JAKMIP3: variants seen among roughly 807,000 people sequenced by gnomAD.
JAKMIP3 encodes Janus kinase and microtubule interacting protein 3.
A neutral mutation model predicts 118.5 loss-of-function variants in JAKMIP3; 58 were observed. The observed-to-expected ratio is 0.49, with a 90% CI of 0.40 to 0.61. The LOEUF (loss-of-function observed/expected upper bound fraction) is 0.61, where lower values mean the gene tolerates loss of function less well. Among genes scored for constraint, JAKMIP3 ranks in the 20% least tolerant of loss-of-function variants. The pLI is 0.00. For synonymous variants in JAKMIP3, 486 were observed against 451.2 expected, an observed-to-expected ratio of 1.08 and a Z score of -0.98; for missense variants, 950 against 1,109.0, an observed-to-expected ratio of 0.86 and a Z score of 2.04.
rs774592394 is a variant in JAKMIP3, at chr10:132,168,639, T to G, written c.*709T>G. ...TGCCATCAACCCTCTGCCTCCCTACTCAACCTGAGACAGGAAGGCCAAGAT... is the reference window on the plus strand; with the variant it reads ...TGCCATCAACCCTCTGCCTCCCTACGCAACCTGAGACAGGAAGGCCAAGAT... On this transcript the variant is annotated 3_prime_UTR_variant, in exon 23 of 24. Coordinates refer to ENST00000684848, the MANE Select transcript of JAKMIP3 (RefSeq NM_001323087.2). 46 of 335,128 alleles carry G rather than the reference T, an allele frequency of 1.4e-4. No homozygotes were observed. Among genetic ancestry groups the G allele is most frequent in the Non-Finnish European group, 2.3e-4 (39 of 172,712 alleles). The allele number at this position is 335,128 out of a possible 1,614,324, so 20.8% of individuals were successfully genotyped here.
chr10:132,163,669 CTGGCCACACCCTCTGA>C (rs1026100359), intron 20 of JAKMIP3, among the ~76,000 whole-genome samples: 12 of 152,194 alleles, frequency 7.9e-5, no homozygotes, highest in African/African-American at 2.9e-4. Flanking sequence ...ACGCCCCCTG[CTGGCCACACCCTCTGA>C]TGGCCACACC....
At chr10:132,108,668 G>A (rs2046291781) in intron 2 of JAKMIP3, among the ~76,000 whole-genome samples, 1 of 150,500 alleles carries the variant, frequency 6.6e-6, no homozygotes, top group Non-Finnish European at 1.5e-5. Context: ...TCCCACTGGT[G>A]CCTCCAAGCC....
intron 1 of JAKMIP3, among the ~76,000 whole-genome samples, chr10:132,100,679 C>T (rs532611693): frequency 6.6e-6 from 1 of 152,316 alleles, no homozygotes; most frequent in Admixed American, 6.5e-5. Context: ...AAGGAGATGC[C>T]TCCATTTACC....
chr10:132,165,639 G>A (rs1590012874), intron 21 of JAKMIP3, among the ~76,000 whole-genome samples: 3 of 152,330 alleles, frequency 2.0e-5, no homozygotes, highest in East Asian at 3.9e-4. Context: ...GCCTGAGGAG[G>A]AGCCCACAGA....
chr10:132,099,370 C>A (rs1268924620), intron 1 of JAKMIP3, among the ~76,000 whole-genome samples: 1 of 152,200 alleles, frequency 6.6e-6, no homozygotes, highest in Non-Finnish European at 1.5e-5. Context: ...ACTTCTTCAG[C>A]CTTCAGATGA....
rs963726898 is a variant in JAKMIP3, at chr10:132,184,317, C to G, written c.*3064C>G. ...GAGTGCCTTACAGGGCTTGTGAACA[C>G]CGATACTAGAAGTCAAAAAGAAGAG... On this transcript the variant is annotated 3_prime_UTR_variant, in exon 24 of 24. Transcript: ENST00000684848. 2 of 152,168 alleles carry G rather than the reference C, an allele frequency of 1.3e-5. No homozygotes were observed. The allele number at this position is 152,168 out of a possible 1,614,324, so 9.4% of individuals were successfully genotyped here.
Position 132,041,992 on chromosome 10 carries a change from G to A in JAKMIP3, c.-138+5254G>A, listed in dbSNP as rs148507713. Among the ~76,000 whole-genome samples, 438 of 151,792 alleles carry A rather than the reference G, an allele frequency of 2.9e-3. 3 individuals carry two copies. The highest frequency in any genetic ancestry group is 9.4e-3 in the African/African-American group (390 of 41,370). On this transcript the variant is annotated intron_variant, in intron 1 of 23. Coordinates refer to the JAKMIP3 transcript ENST00000657785. The stretch of plus-strand genomic sequence containing the variant: ...GGTGATTCTTGTGCCTCAGCCTCCC[G>A]AATAGCTGGGATTACAGGCATGTGC...
At chr10:132,124,373 T>TCA (rs2049112790) in intron 3 of JAKMIP3, among the ~76,000 whole-genome samples, 1 of 149,986 alleles carries the variant, frequency 6.7e-6, no homozygotes, top group Admixed American at 6.6e-5. Context: ...CCCCGGCACA[T>TCA]CACAACTGAG....
chr10:132,177,156 A>G (rs570164418), intron 23 of JAKMIP3, among the ~76,000 whole-genome samples: 16 of 152,354 alleles, frequency 1.1e-4, no homozygotes, highest in African/African-American at 3.6e-4. Flanking sequence ...GCTGTCTTGC[A>G]ATCTATAATG....
rs144781884 is a variant in JAKMIP3, at chr10:132,044,987, C to A, written c.-138+8249C>A. On this transcript the variant is annotated intron_variant, in intron 1 of 23. Coordinates refer to the JAKMIP3 transcript ENST00000657785. This position sits in a 1 kb window ranked among gnomAD's most constrained non-coding sequence, Gnocchi z 5.3. The stretch of plus-strand genomic sequence containing the variant: ...AGGGATGTGCGTTTTGCTGACTCAT[C>A]ATCCGCGGGTGGACACTGGGGGGCT... 1.3e-5 allele frequency among the ~76,000 whole-genome samples: 2 copies of A among 152,260 alleles called. No homozygotes were observed. The highest frequency in any genetic ancestry group is 4.8e-5 in the African/African-American group (2 of 41,550).
chr10:132,073,275 TC>T (rs1363897549), intron 1 of JAKMIP3, among the ~76,000 whole-genome samples: 1 of 152,196 alleles, frequency 6.6e-6, no homozygotes, highest in East Asian at 1.9e-4. Flanking sequence ...AAGCTCTGCC[TC>T]CCAGGTTCAT....
intron 9 of JAKMIP3, among the ~76,000 whole-genome samples, chr10:132,139,122 CTGTG>C (rs746764620): frequency 1.0e-4 from 12 of 115,204 alleles, no homozygotes; most frequent in South Asian, 5.5e-4. Flanking sequence ...GTGTATGCAT[CTGTG>C]TGTGTGTGCA....
At chr10:132,180,852 CTG>C (rs140454878) in intron 23 of JAKMIP3, among the ~76,000 whole-genome samples, 4 of 150,448 alleles carry the variant, frequency 2.7e-5, no homozygotes, top group Admixed American at 6.6e-5. Flanking sequence ...CATGTGTGTG[CTG>C]TGTGTGAGTG....
intron 23 of JAKMIP3, among the ~76,000 whole-genome samples, chr10:132,170,913 CGT>C (rs2059427159): frequency 1.3e-5 from 2 of 152,324 alleles, no homozygotes; most frequent in African/African-American, 2.4e-5. Flanking sequence ...GAAAGGAAAA[CGT>C]GTGAGTCAAT....
chr10:132,168,333 C>G lies in JAKMIP3; in HGVS notation c.*403C>G, dbSNP rs973235711. The G allele has an allele frequency of 5.4e-6, 7 of 1,289,390 alleles. No individual in the cohort carries two copies. In the African/African-American group the frequency reaches 1.1e-4, roughly 20 times the overall value. 79.9% of individuals were successfully genotyped at this position (1,289,390 alleles called of 1,614,324 possible). The stretch of plus-strand genomic sequence containing the variant: ...GGGTCCCCTCCTCTCTCTTGGTTCT[C>G]ACAGTAGCTGCCACTGGTGTCTGGA... On this transcript the variant is annotated 3_prime_UTR_variant, in exon 23 of 24. Coordinates refer to ENST00000684848, the MANE Select transcript of JAKMIP3 (RefSeq NM_001323087.2).
At chr10:132,142,980 C>T (rs1238247458) in intron 11 of JAKMIP3, among the ~76,000 whole-genome samples, 5 of 152,164 alleles carry the variant, frequency 3.3e-5, no homozygotes, top group Admixed American at 1.3e-4. Context: ...GCGTGGTCCA[C>T]GCTAGTGCCC....
chr10:132,095,392 G>A (rs1229121188), intron 1 of JAKMIP3, among the ~76,000 whole-genome samples: 5 of 152,208 alleles, frequency 3.3e-5, no homozygotes, highest in Non-Finnish European at 5.9e-5. Context: ...AGCCCACAGG[G>A]CTTTTCCCAC....
At chr10:132,176,363 C>T (rs143174366) in intron 23 of JAKMIP3, among the ~76,000 whole-genome samples, 2,054 of 152,324 alleles carry the variant, frequency 0.013, 18 homozygotes, top group Middle Eastern at 0.02. Flanking sequence ...AGCACAGCAT[C>T]GTCCTCGTGT....
chr10:132,174,232 C>T (rs1015257041), intron 23 of JAKMIP3, among the ~76,000 whole-genome samples: 1 of 152,104 alleles, frequency 6.6e-6, no homozygotes, highest in African/African-American at 2.4e-5. Flanking sequence ...GTGCAGTGGC[C>T]CCTTCCTGGC....
Sources: gnomAD v4.1 joint callset for allele counts (sites outside exome capture counted in the v4.1 genomes callset) on GRCh38, gnomAD v4.1.1 for gene constraint, Gnocchi (gnomAD v3.1) non-coding constraint, MANE v1.5 for transcripts, NCBI Gene and HGNC (gene_info 2026-07-23, HGNC 2026-07-21) for gene names.